Variants in TMCC3 observed in about 807,000 individuals in gnomAD.
TMCC3 encodes transmembrane and coiled-coil domain family 3, also known as transmembrane and coiled-coil domain protein 3.
Under a neutral mutation model 40.2 loss-of-function variants are expected in TMCC3, and 28 were observed. The observed-to-expected ratio is 0.70, with a 90% CI of 0.52 to 0.95. The LOEUF is 0.95. TMCC3 is among the 40% of genes least tolerant of loss of function. The probability of loss-of-function intolerance (pLI) is 0.00; values close to 1 mark genes in which losing one functional copy is unlikely to be tolerated. For synonymous variants in TMCC3, 255 were observed against 248.5 expected, an observed-to-expected ratio of 1.03 and a Z score of -0.25; for missense variants, 554 against 615.2, an observed-to-expected ratio of 0.90 and a Z score of 1.05.
rs2068605866 is a variant in TMCC3, at chr12:94,582,035, A to G, written c.582T>C (p.Thr194=). 1.2e-6 allele frequency: 2 copies of G among 1,614,040 alleles called. No homozygotes were observed. Among genetic ancestry groups the G allele is most frequent in the Non-Finnish European group, 1.7e-6 (2 of 1,180,022 alleles). Residue 194 remains threonine (T), a synonymous_variant, in exon 2 of 4, where the codon ACT becomes ACC. Transcript: ENST00000261226. ...ACTTATTGAAAACGAACACAGGTGG[A>G]GTAAGTGAGACCCCTGGCATGCCCG... ...SKSGMPGVSL[T]PPVFVFNKSR... is the part of the protein sequence containing the mutation.
At position 94,582,300 on chromosome 12, in the gene TMCC3, T is replaced by C; in HGVS notation, c.317A>G (p.Gln106Arg). 1 of 1,614,092 alleles carries C rather than the reference T, an allele frequency of 6.2e-7. No individual in the cohort carries two copies. The highest frequency in any genetic ancestry group is 8.5e-7 in the Non-Finnish European group (1 of 1,180,024). Reference protein sequence around the residue: ...YLKLVNNADKQQAGRIKQVFE... With the variant: ...YLKLVNNADKRQAGRIKQVFE... ...GACTTGCTTGATACGTCCCGCCTGCTGCTTGTCTGCGTTGTTCACTAGTTT... is the reference window on the plus strand; with the variant it reads ...GACTTGCTTGATACGTCCCGCCTGCCGCTTGTCTGCGTTGTTCACTAGTTT... The change falls in exon 2 of 4, where the codon CAG (glutamine) becomes CGG (arginine). Residue 106 changes from glutamine (Q) to arginine (R), a missense_variant. Coordinates refer to ENST00000261226, the MANE Select transcript of TMCC3 (RefSeq NM_020698.4).
In TMCC3 at chr12:94,620,350, C is replaced by T. The variant is rs577382918; in HGVS notation, c.78+30003G>A. Among the ~76,000 whole-genome samples the T allele has an allele frequency of 6.0e-5, 9 of 150,746 alleles. No individual in the cohort carries two copies. In the South Asian group the frequency reaches 1.3e-3, roughly 21 times the overall value. On this transcript the variant is annotated intron_variant, in intron 1 of 3. Transcript: ENST00000261226. Reference sequence around the variant, plus strand: ...TCGCCCAGGCTGGAGTGTAATGGCGCGATCTCGGCTCACTGCAACCTTCGC... The same window carrying T: ...TCGCCCAGGCTGGAGTGTAATGGCGTGATCTCGGCTCACTGCAACCTTCGC...
rs144548464 is a variant in TMCC3, at chr12:94,582,354, G to A, written c.263C>T (p.Ser88Leu). The change falls in exon 2 of 4, where the codon TCG (serine) becomes TTG (leucine). Residue 88 changes from serine (S) to leucine (L), a missense_variant. Ser to Leu is a moderately radical substitution (Grantham distance 145). Coordinates refer to ENST00000261226, the MANE Select transcript of TMCC3 (RefSeq NM_020698.4). The part of the protein sequence containing the change: ...VTEQIKIEQT[S>L]RDGNVAEYLK... ...ATACTCCGCAACATTCCCATCGCGC[G>A]ATGTTTGCTCAATTTTTATCTGCTC... 354 of 1,613,796 alleles carry A rather than the reference G, an allele frequency of 2.2e-4. No individual in the cohort carries two copies. Among genetic ancestry groups the A allele is most frequent in the Non-Finnish European group, 2.6e-4 (312 of 1,180,010 alleles).
At chr12:94,593,792 A>G (rs1427286409) in intron 1 of TMCC3, among the ~76,000 whole-genome samples, 1 of 152,234 alleles carries the variant, frequency 6.6e-6, no homozygotes, top group Non-Finnish European at 1.5e-5. Context: ...AAAACAGCTT[A>G]TAAATCACAC....
intron 1 of TMCC3, among the ~76,000 whole-genome samples, chr12:94,607,556 G>A (rs12426342): frequency 0.07 from 10,621 of 152,208 alleles, 388 homozygotes; most frequent in South Asian, 0.14. Flanking sequence ...GGTTCCAGGC[G>A]GTCTCTCCAT....
intron 1 of TMCC3, among the ~76,000 whole-genome samples, chr12:94,593,657 A>C (rs965401958): frequency 1.3e-5 from 2 of 151,984 alleles, no homozygotes; most frequent in Admixed American, 6.6e-5. Context: ...TTCTTCAAGC[A>C]TCCTCAAGCA....
chr12:94,597,852 G>A (rs2068728227), intron 1 of TMCC3, among the ~76,000 whole-genome samples: 1 of 151,990 alleles, frequency 6.6e-6, no homozygotes, highest in African/African-American at 2.4e-5. Flanking sequence ...TTTCTCTAAT[G>A]CACCAGGAAG....
At chr12:94,590,467 A>G (rs1359065398) in intron 1 of TMCC3, among the ~76,000 whole-genome samples, 1 of 152,032 alleles carries the variant, frequency 6.6e-6, no homozygotes, top group Admixed American at 6.5e-5. Context: ...CTAAGAGGAG[A>G]GAGAGAATGA....
In TMCC3 at chr12:94,571,266, A is replaced by G; in HGVS notation, c.*169T>C. ...TCGTGTTAACGAAGTACAAGGACTG[A>G]GTTGGCAACTGCTACGGAGTTAAGA... is the stretch of plus-strand genomic sequence containing the variant. On this transcript the variant is annotated 3_prime_UTR_variant, in exon 4 of 4. Coordinates refer to ENST00000261226, the MANE Select transcript of TMCC3 (RefSeq NM_020698.4). 1.5e-6 allele frequency: 1 copy of G among 685,220 alleles called. No individual in the cohort carries two copies. The highest frequency in any genetic ancestry group is 2.4e-6 in the Non-Finnish European group (1 of 414,694). The allele number at this position is 685,220 out of a possible 1,614,324, so 42.4% of individuals were successfully genotyped here. A position where few individuals can be genotyped will look rare whatever the true frequency, so the allele number is the denominator to read the frequency against.
intron 1 of TMCC3, among the ~76,000 whole-genome samples, chr12:94,588,799 C>A (rs945211423): frequency 6.6e-6 from 1 of 151,116 alleles, no homozygotes; most frequent in Non-Finnish European, 1.5e-5. Flanking sequence ...AACACAAATT[C>A]GTAAACTTTC....
intron 1 of TMCC3, chr12:94,616,118 G>A (rs1381383548): frequency 5.1e-6 from 5 of 984,162 alleles, no homozygotes; most frequent in African/African-American, 3.5e-5. Flanking sequence ...GAAACTCCAC[G>A]CCCTGCACTG....
In TMCC3 at chr12:94,650,395, C is replaced by T; in HGVS notation, c.36G>A (p.Arg12=). Reference sequence around the variant, plus strand: ...GGTGCCGGCCGGGGTACGAGTAGGTCCGGTCCACGGTGAGCGCCGTGTCGC... The same window carrying T: ...GGTGCCGGCCGGGGTACGAGTAGGTTCGGTCCACGGTGAGCGCCGTGTCGC... ...PGSDTALTVD[R]TYSYPGRHHR... The change falls in exon 1 of 4, where the codon CGG becomes CGA. Residue 12 remains arginine, a synonymous_variant. Coordinates refer to ENST00000261226, the MANE Select transcript of TMCC3 (RefSeq NM_020698.4). The T allele has an allele frequency of 7.4e-7, 1 of 1,343,174 alleles. No homozygotes were observed. Among genetic ancestry groups the T allele is most frequent in the Non-Finnish European group, 9.6e-7 (1 of 1,039,608 alleles). 83.2% of individuals were successfully genotyped at this position (1,343,174 alleles called of 1,614,324 possible).
At chr12:94,572,609 C>T (rs559812682) in intron 3 of TMCC3, among the ~76,000 whole-genome samples, 1 of 152,272 alleles carries the variant, frequency 6.6e-6, no homozygotes, top group East Asian at 1.9e-4. Flanking sequence ...CCATGCCCAG[C>T]CTGACTTTAC....
intron 1 of TMCC3, among the ~76,000 whole-genome samples, chr12:94,614,146 ATG>A (rs993779917): frequency 3.3e-5 from 5 of 151,840 alleles, no homozygotes; most frequent in African/African-American, 4.8e-5. Context: ...GTAAAATAAA[ATG>A]TGTGTGTGTG....
intron 1 of TMCC3, among the ~76,000 whole-genome samples, chr12:94,643,245 A>T (rs12818810): frequency 0.16 from 24,577 of 151,634 alleles, 2,165 homozygotes; most frequent in African/African-American, 0.22. Flanking sequence ...ACTCTTAACC[A>T]CTCCAGTGCA....
chr12:94,580,811 T>C (rs1031183991), intron 2 of TMCC3, among the ~76,000 whole-genome samples: 2 of 152,174 alleles, frequency 1.3e-5, no homozygotes, highest in African/African-American at 2.4e-5. Flanking sequence ...ATTAACTTTG[T>C]TGGGTAATGA....
At chr12:94,604,581 G>A (rs1192148887) in intron 1 of TMCC3, among the ~76,000 whole-genome samples, 1 of 147,374 alleles carries the variant, frequency 6.8e-6, no homozygotes, top group Non-Finnish European at 1.5e-5. Flanking sequence ...GAGGCAGGAG[G>A]ATTACTTGAA....
At chr12:94,644,807 C>T (rs1258695258) in intron 1 of TMCC3, among the ~76,000 whole-genome samples, 2 of 152,184 alleles carry the variant, frequency 1.3e-5, no homozygotes, top group Non-Finnish European at 2.9e-5. Context: ...CATCAACTTA[C>T]TACATCACTG....
intron 1 of TMCC3, among the ~76,000 whole-genome samples, chr12:94,645,456 G>T (rs2069013155): frequency 6.6e-6 from 1 of 152,138 alleles, no homozygotes. Context: ...TTTTGTTTCG[G>T]AGATGGAGTC....
Sources: allele counts gnomAD v4.1 joint callset (sites outside exome capture counted in the v4.1 genomes callset), GRCh38; gene constraint gnomAD v4.1.1; transcripts MANE v1.5; gene names NCBI Gene and HGNC (gene_info 2026-07-23, HGNC 2026-07-21).